RAB6A: variants seen among roughly 807,000 people sequenced by gnomAD.
The protein encoded by RAB6A is RAB6A, member RAS oncogene family, also known as ras-related protein Rab-6A.
Under a neutral mutation model 32.3 loss-of-function variants are expected in RAB6A, and 8 were observed. The ratio of observed to expected loss-of-function variants is 0.25; its 90% confidence interval spans 0.15 to 0.45. The LOEUF is 0.45. Among genes scored for constraint, RAB6A ranks in the 20% least tolerant of loss-of-function variants. RAB6A has a pLI of 1.00. For synonymous variants in RAB6A, 73 were observed against 82.1 expected, an observed-to-expected ratio of 0.89 and a Z score of 0.60; for missense variants, 104 against 249.4, an observed-to-expected ratio of 0.42 and a Z score of 3.93.
At chr11:73,715,015 A>G (rs973060293) in intron 5 of RAB6A, among the ~76,000 whole-genome samples, 2 of 152,226 alleles carry the variant, frequency 1.3e-5, no homozygotes, top group Admixed American at 6.5e-5. Flanking sequence ...TAAATAAAAT[A>G]GTGAAAATTT....
chr11:73,747,391 C>T (rs1012498832), intron 1 of RAB6A, among the ~76,000 whole-genome samples: 5 of 151,542 alleles, frequency 3.3e-5, no homozygotes, highest in African/African-American at 1.2e-4. Context: ...TTAGTAGAGA[C>T]CATGTTGGCC....
At chr11:73,703,014 A>T (rs940954676) in intron 6 of RAB6A, among the ~76,000 whole-genome samples, 1 of 151,834 alleles carries the variant, frequency 6.6e-6, no homozygotes, top group Non-Finnish European at 1.5e-5. Context: ...ATGAGACCAC[A>T]TCCAGCTAAT....
intron 1 of RAB6A, among the ~76,000 whole-genome samples, chr11:73,731,045 A>G (rs2134972521): frequency 6.6e-6 from 1 of 152,356 alleles, no homozygotes; most frequent in South Asian, 2.1e-4. Context: ...GTCTATAGTT[A>G]AAAGTTGAAA....
At chr11:73,727,284 G>C (rs1225772359) in intron 2 of RAB6A, among the ~76,000 whole-genome samples, 1 of 151,864 alleles carries the variant, frequency 6.6e-6, no homozygotes, top group Non-Finnish European at 1.5e-5. Context: ...TAATTAGCTG[G>C]GAGTGGTGGC....
intron 6 of RAB6A, 35 bp downstream of exon 6, chr11:73,707,385 T>C (rs1945863977): frequency 4.1e-6 from 6 of 1,461,050 alleles, no homozygotes; most frequent in Non-Finnish European, 4.8e-6. Flanking sequence ...AATTATTTCA[T>C]ATTTTTTCAA....
intron 1 of RAB6A, among the ~76,000 whole-genome samples, chr11:73,737,572 G>C (rs1177400667): frequency 6.6e-6 from 1 of 152,120 alleles, no homozygotes; most frequent in Non-Finnish European, 1.5e-5. Context: ...GCAGAAACAA[G>C]CCAAATGTCC....
intron 1 of RAB6A, among the ~76,000 whole-genome samples, chr11:73,757,815 C>A (rs1202840065): frequency 6.6e-6 from 1 of 152,160 alleles, no homozygotes; most frequent in Non-Finnish European, 1.5e-5. Flanking sequence ...AGGCTACTAG[C>A]TTTCGTTACT....
chr11:73,715,567 A>T (rs1336578423), intron 5 of RAB6A, among the ~76,000 whole-genome samples: 1 of 152,240 alleles, frequency 6.6e-6, no homozygotes, highest in Non-Finnish European at 1.5e-5. Context: ...TCATGAATAA[A>T]CAAATAAATA....
At chr11:73,689,124 GAA>G (rs111664897) in intron 6 of RAB6A, among the ~76,000 whole-genome samples, 14 of 144,964 alleles carry the variant, frequency 9.7e-5, no homozygotes, top group African/African-American at 2.5e-4. Context: ...CCTGTCTCAA[GAA>G]AAAAAAAAAA....
intron 6 of RAB6A, among the ~76,000 whole-genome samples, chr11:73,694,741 C>T (rs958485877): frequency 6.6e-6 from 1 of 152,198 alleles, no homozygotes; most frequent in African/African-American, 2.4e-5. Flanking sequence ...AGGTCAGGCA[C>T]AGTGGCTCAT....
At chr11:73,697,692 A>G (rs577470932) in intron 6 of RAB6A, among the ~76,000 whole-genome samples, 2 of 152,226 alleles carry the variant, frequency 1.3e-5, no homozygotes, top group African/African-American at 4.8e-5. Context: ...CTTAAGGATT[A>G]TATTTCACTA....
intron 3 of RAB6A, chr11:73,718,943 AAG>A: frequency 2.1e-6 from 3 of 1,455,214 alleles, no homozygotes; most frequent in Non-Finnish European, 2.8e-6. Context: ...TAATACTAAA[AAG>A]AAAAAAGAAA....
chr11:73,719,369 A>G (rs892951209), intron 3 of RAB6A, among the ~76,000 whole-genome samples: 2 of 152,216 alleles, frequency 1.3e-5, no homozygotes, highest in African/African-American at 2.4e-5. Flanking sequence ...GGTCTAGAAT[A>G]CTTTCAAACC....
chr11:73,725,893 C>T (rs1946210924), intron 2 of RAB6A, among the ~76,000 whole-genome samples: 1 of 152,120 alleles, frequency 6.6e-6, no homozygotes, highest in African/African-American at 2.4e-5. Context: ...TGGCTCATGC[C>T]AATAATCCCA....
At chr11:73,727,848 C>T (rs988323585) in intron 2 of RAB6A, among the ~76,000 whole-genome samples, 1 of 152,084 alleles carries the variant, frequency 6.6e-6, no homozygotes, top group African/African-American at 2.4e-5. Flanking sequence ...TGCTATATTA[C>T]AAAGACAAAG....
chr11:73,743,548 G>T (rs888094276), intron 1 of RAB6A, among the ~76,000 whole-genome samples: 1 of 151,890 alleles, frequency 6.6e-6, no homozygotes, highest in South Asian at 2.1e-4. Flanking sequence ...GATCACTTGA[G>T]CCCAGGAGAC....
At chr11:73,739,282 A>ATATATATATATAT (rs1289309364) in intron 1 of RAB6A, among the ~76,000 whole-genome samples, 3 of 15,346 alleles carry the variant, frequency 2.0e-4, no homozygotes, top group African/African-American at 4.1e-4. Flanking sequence ...AAAAAAAAAA[A>ATATATATATATAT]AAATATATAT....
chr11:73,708,458 C>G (rs1008786498), intron 5 of RAB6A, among the ~76,000 whole-genome samples: 1 of 152,086 alleles, frequency 6.6e-6, no homozygotes, highest in Admixed American at 6.6e-5. Flanking sequence ...CGTGAGCCAC[C>G]GTGCCCAGCC....
chr11:73,722,164 G>C (rs1946142450), intron 2 of RAB6A, among the ~76,000 whole-genome samples: 1 of 149,502 alleles, frequency 6.7e-6, no homozygotes, highest in Admixed American at 6.8e-5. Context: ...AGCAGCATGA[G>C]AACAAACTAA....
Sources: gnomAD v4.1 joint callset for allele counts (sites outside exome capture counted in the v4.1 genomes callset) on GRCh38, gnomAD v4.1.1 for gene constraint, MANE v1.5 for transcripts, NCBI Gene and HGNC (gene_info 2026-07-23, HGNC 2026-07-21) for gene names.